The following ROBO2 variants were observed in gnomAD, a reference collection of about 807,000 sequenced individuals.
ROBO2 encodes roundabout guidance receptor 2, also known as roundabout homolog 2.
ROBO2 carries 53 observed loss-of-function variants against 160.8 expected under a neutral mutation model. That is an observed-to-expected ratio of 0.33 (90% confidence interval 0.26 to 0.41). The LOEUF (loss-of-function observed/expected upper bound fraction) is 0.41, where lower values mean the gene tolerates loss of function less well. Ranked by LOEUF, ROBO2 falls within the 10% of genes least tolerant of loss-of-function variation. The pLI, the probability that ROBO2 is intolerant of heterozygous loss-of-function variation, is 1.00. For synonymous variants in ROBO2, 664 were observed against 611.7 expected (o/e 1.09, Z -1.26); for missense variants, 1,577 against 1,722.4 (o/e 0.92, Z 1.49).
intron 2 of ROBO2, among the ~76,000 whole-genome samples, chr3:76,763,564 T>C (rs2061421591): frequency 1.4e-5 from 1 of 71,080 alleles, no homozygotes; most frequent in African/African-American, 5.7e-5. Context: ...AAAAATATTT[T>C]CCATCATCTT....
chr3:77,069,838 G>C (rs930421224), intron 1 of ROBO2, among the ~76,000 whole-genome samples: 1 of 152,138 alleles, frequency 6.6e-6, no homozygotes, highest in South Asian at 2.1e-4. Flanking sequence ...TTCTCTGAAG[G>C]CTCTAGGGAA....
intron 2 of ROBO2, among the ~76,000 whole-genome samples, chr3:76,845,416 A>AT (rs1227793738): frequency 1.3e-5 from 2 of 151,984 alleles, no homozygotes; most frequent in Admixed American, 1.3e-4. Flanking sequence ...TTCACTATAT[A>AT]TTTTTATATA....
chr3:77,530,750 G>A (rs1297554950), intron 6 of ROBO2, among the ~76,000 whole-genome samples: 1 of 151,888 alleles, frequency 6.6e-6, no homozygotes, highest in Non-Finnish European at 1.5e-5. Flanking sequence ...TGGTTTTGAC[G>A]TTTTACTATT....
intron 2 of ROBO2, among the ~76,000 whole-genome samples, chr3:76,205,252 G>A (rs765364791): frequency 1.2e-4 from 18 of 152,144 alleles, no homozygotes; most frequent in African/African-American, 3.1e-4. Flanking sequence ...TTTTGTACCC[G>A]TGAGTTCAAC....
chr3:76,119,298 GT>G (rs1353655338), intron 2 of ROBO2, among the ~76,000 whole-genome samples: 2 of 152,008 alleles, frequency 1.3e-5, no homozygotes, highest in Non-Finnish European at 2.9e-5. Context: ...TGTGTTTTCT[GT>G]TCAATTCAAA....
intron 2 of ROBO2, among the ~76,000 whole-genome samples, chr3:77,216,751 G>T (rs2085019515): frequency 6.6e-6 from 1 of 152,064 alleles, no homozygotes. Flanking sequence ...ACAACCTAAT[G>T]CAAAAGTAAT....
chr3:77,203,607 A>G (rs945680728), intron 2 of ROBO2, among the ~76,000 whole-genome samples: 4 of 152,236 alleles, frequency 2.6e-5, no homozygotes, highest in African/African-American at 9.6e-5. Flanking sequence ...TCAAGAAACC[A>G]AATGCCAATT....
chr3:76,779,857 C>T (rs1397697774), intron 2 of ROBO2, among the ~76,000 whole-genome samples: 2 of 150,972 alleles, frequency 1.3e-5, no homozygotes, highest in Non-Finnish European at 3.0e-5. Context: ...CTACATGAAA[C>T]TGGAACTGCA....
chr3:77,547,833 T>G (rs1309798364), intron 7 of ROBO2, among the ~76,000 whole-genome samples: 1 of 152,092 alleles, frequency 6.6e-6, no homozygotes, highest in Non-Finnish European at 1.5e-5. Flanking sequence ...AATTTAGTAA[T>G]TACAAAACAG....
intron 2 of ROBO2, among the ~76,000 whole-genome samples, chr3:76,854,063 TC>T (rs2069756953): frequency 1.2e-5 from 1 of 84,058 alleles, no homozygotes; most frequent in Non-Finnish European, 2.6e-5. Flanking sequence ...TCTCTCTCTC[TC>T]TCTTTCTCTG....
At chr3:76,812,113 T>G (rs2065242075) in intron 2 of ROBO2, among the ~76,000 whole-genome samples, 1 of 151,856 alleles carries the variant, frequency 6.6e-6, no homozygotes, top group Non-Finnish European at 1.5e-5. Flanking sequence ...GACCTCATGA[T>G]CCACTTGCCT....
intron 2 of ROBO2, among the ~76,000 whole-genome samples, chr3:76,963,836 C>CAAAAAAAAAA (rs11407644): frequency 1.9e-5 from 2 of 106,164 alleles, no homozygotes; most frequent in African/African-American, 3.3e-5. Context: ...TGAGGAACTG[C>CAAAAAAAAAA]AAAAAAAAAA....
At chr3:76,690,842 A>G (rs955156047) in intron 2 of ROBO2, among the ~76,000 whole-genome samples, 3 of 151,916 alleles carry the variant, frequency 2.0e-5, no homozygotes, top group Non-Finnish European at 4.4e-5. Flanking sequence ...CAATGTTGAG[A>G]TTTTTCCAGG....
rs1246525091 is a variant in ROBO2, at chr3:77,632,397, G to A, written c.3761-2473G>A. ...AGGAAGAAGCATGGACAACTTACTT[G>A]CTCATTAGTATAGTGTGTACAAGCA... On this transcript the variant is annotated intron_variant, in intron 23 of 25. Coordinates refer to ENST00000461745, the Ensembl canonical transcript of ROBO2. 9.8e-6 allele frequency: 10 copies of A among 1,017,984 alleles called. 1 individual carries two copies. Among genetic ancestry groups the A allele is most frequent in the African/African-American group, 9.7e-5 (6 of 61,700 alleles). 63.1% of individuals were successfully genotyped at this position (1,017,984 alleles called of 1,614,324 possible).
chr3:75,914,719 T>G (rs1365843784), intron 1 of ROBO2, among the ~76,000 whole-genome samples: 2 of 152,230 alleles, frequency 1.3e-5, no homozygotes, highest in East Asian at 3.8e-4. Context: ...TAAGTAACTC[T>G]TAATGAGAAT....
At chr3:76,272,069 A>G (rs1707466193) in intron 2 of ROBO2, among the ~76,000 whole-genome samples, 1 of 152,184 alleles carries the variant, frequency 6.6e-6, no homozygotes. Context: ...CTATAAATAT[A>G]AGTGTTTCCA....
chr3:77,089,594 T>C (rs1253672601), intron 1 of ROBO2, among the ~76,000 whole-genome samples: 2 of 152,336 alleles, frequency 1.3e-5, no homozygotes, highest in East Asian at 1.9e-4. Context: ...TTTAGACTTA[T>C]TAAGATGGCA....
chr3:76,905,854 C>T (rs914176346), intron 2 of ROBO2, among the ~76,000 whole-genome samples: 2 of 152,116 alleles, frequency 1.3e-5, no homozygotes, highest in Non-Finnish European at 2.9e-5. Flanking sequence ...AAATATTTGT[C>T]AGAATCAGTA....
At chr3:77,296,027 A>G (rs2062058268) in intron 2 of ROBO2, among the ~76,000 whole-genome samples, 1 of 151,308 alleles carries the variant, frequency 6.6e-6, no homozygotes, top group Non-Finnish European at 1.5e-5. Context: ...AGAACAGTAA[A>G]GACATAAAGT....
Sources: gnomAD v4.1 joint callset for allele counts (sites outside exome capture counted in the v4.1 genomes callset) on GRCh38, gnomAD v4.1.1 for gene constraint, MANE v1.5 for transcripts, NCBI Gene and HGNC (gene_info 2026-07-23, HGNC 2026-07-21) for gene names.